The following TMTC2 variants were observed in gnomAD, a reference collection of about 807,000 sequenced individuals.
The protein encoded by TMTC2 is transmembrane O-mannosyltransferase targeting cadherins 2.
Under a neutral mutation model 82.4 loss-of-function variants are expected in TMTC2, and 43 were observed. That is an observed-to-expected ratio of 0.52 (90% CI 0.41 to 0.67). TMTC2 has a LOEUF of 0.67. TMTC2 is among the 30% of genes least tolerant of loss of function. TMTC2 has a pLI of 0.00. For synonymous variants in TMTC2, 408 were observed against 381.9 expected, an observed-to-expected ratio of 1.07 and a Z score of -0.80; for missense variants, 919 against 1,012.4, an observed-to-expected ratio of 0.91 and a Z score of 1.25.
chr12:82,825,964 A>C (rs1041202249), intron 1 of TMTC2, among the ~76,000 whole-genome samples: 11 of 152,298 alleles, frequency 7.2e-5, no homozygotes, highest in Middle Eastern at 3.4e-3. Context: ...TTGCGAATGG[A>C]AAGTTTTACC....
At chr12:83,061,867 G>A (rs984496511) in intron 11 of TMTC2, 36 bp downstream of exon 11, 23 of 1,498,806 alleles carry the variant, frequency 1.5e-5, no homozygotes, top group Non-Finnish European at 1.9e-5. Flanking sequence ...TTTTCAGAGG[G>A]ATAGACTCCA....
At chr12:82,987,815 A>G (rs957858207) in intron 8 of TMTC2, among the ~76,000 whole-genome samples, 9 of 152,220 alleles carry the variant, frequency 5.9e-5, no homozygotes, top group Middle Eastern at 3.4e-3. Context: ...AAGTTTGTCC[A>G]CAAGTATAAG....
intron 11 of TMTC2, among the ~76,000 whole-genome samples, chr12:83,114,271 T>C (rs1405101604): frequency 6.7e-6 from 1 of 149,074 alleles, no homozygotes; most frequent in Non-Finnish European, 1.5e-5. Context: ...AAAAAAAAAA[T>C]AGTAAGAGGA....
intron 11 of TMTC2, among the ~76,000 whole-genome samples, chr12:83,066,627 A>C (rs1882926325): frequency 6.6e-6 from 1 of 152,010 alleles, no homozygotes; most frequent in South Asian, 2.1e-4. Context: ...ATAAAAGGTC[A>C]TGGTAATAGT....
intron 7 of TMTC2, among the ~76,000 whole-genome samples, chr12:82,977,153 G>A (rs144187432): frequency 1.8e-3 from 275 of 152,028 alleles, no homozygotes; most frequent in African/African-American, 5.9e-3. Flanking sequence ...TACTATTCTC[G>A]AATGGGGAAA....
chr12:82,697,491 G>A (rs1045673026), intron 1 of TMTC2, among the ~76,000 whole-genome samples: 6 of 152,096 alleles, frequency 3.9e-5, no homozygotes, highest in African/African-American at 1.2e-4. Context: ...TAAATTCCTG[G>A]ATTAAAAATG....
At chr12:83,070,836 G>A (rs975322689) in intron 11 of TMTC2, among the ~76,000 whole-genome samples, 6 of 152,128 alleles carry the variant, frequency 3.9e-5, no homozygotes, top group African/African-American at 1.4e-4. Context: ...GTTTGTCATA[G>A]ATGGCTTTTA....
At chr12:82,975,288 A>G (rs759571084) in intron 7 of TMTC2, among the ~76,000 whole-genome samples, 57 of 152,162 alleles carry the variant, frequency 3.7e-4, no homozygotes, top group Non-Finnish European at 7.9e-4. Context: ...CCCAGTAAGT[A>G]AGGGAAAATT....
At chr12:82,970,661 A>T (rs1358690352) in intron 7 of TMTC2, among the ~76,000 whole-genome samples, 1 of 152,208 alleles carries the variant, frequency 6.6e-6, no homozygotes, top group Non-Finnish European at 1.5e-5. Context: ...CCAAAAGTTG[A>T]TTGTATTCTC....
intron 6 of TMTC2, 39 bp downstream of exon 6, chr12:82,965,783 G>A (rs1230286934): frequency 6.2e-7 from 1 of 1,610,234 alleles, no homozygotes; most frequent in Admixed American, 1.7e-5. Flanking sequence ...CCTCCCCCTT[G>A]TTCTGATCCA....
In TMTC2 at chr12:82,889,689, A is replaced by G. The variant is rs981359374; in HGVS notation, c.655-6129A>G. On this transcript the variant is annotated intron_variant, in intron 2 of 11. Coordinates refer to ENST00000321196, the MANE Select transcript of TMTC2 (RefSeq NM_152588.3). Reference sequence around the variant, plus strand: ...AACTTTATGATTCTGTAGCATGCATATTTTGCAACATGATTTTTCACCAGT... The same window carrying G: ...AACTTTATGATTCTGTAGCATGCATGTTTTGCAACATGATTTTTCACCAGT... Among the ~76,000 whole-genome samples, 3 of 152,142 alleles carry G rather than the reference A, an allele frequency of 2.0e-5. No individual in the cohort carries two copies. In the South Asian group the frequency reaches 6.2e-4, roughly 31 times the overall value.
chr12:82,751,169 A>C (rs1875977819), intron 1 of TMTC2, among the ~76,000 whole-genome samples: 1 of 152,220 alleles, frequency 6.6e-6, no homozygotes, highest in Non-Finnish European at 1.5e-5. Flanking sequence ...TGGATTAAGA[A>C]AATGTGGCAC....
At chr12:83,073,324 T>C (rs1337225732) in intron 11 of TMTC2, among the ~76,000 whole-genome samples, 1 of 152,220 alleles carries the variant, frequency 6.6e-6, no homozygotes, top group Non-Finnish European at 1.5e-5. Flanking sequence ...TTCTAGCTTA[T>C]AGGGTTTCTG....
At position 83,118,509 on chromosome 12, in the gene TMTC2, G is replaced by A. The variant is rs192616950; in HGVS notation, c.2332-13701G>A. On this transcript the variant is annotated intron_variant, in intron 11 of 11. Coordinates refer to ENST00000321196, the MANE Select transcript of TMTC2 (RefSeq NM_152588.3). ...CATATGTTAAACCATCCCTGCATCC[G>A]TGAAATGAAACCGACTTGATCATAG... 1.4e-3 allele frequency among the ~76,000 whole-genome samples: 213 copies of A among 152,040 alleles called. 2 individuals are homozygous for A. The highest frequency in any genetic ancestry group is 9.7e-4 in the Non-Finnish European group (66 of 67,900).
chr12:82,877,451 G>A (rs959865323), intron 2 of TMTC2, among the ~76,000 whole-genome samples: 1 of 152,160 alleles, frequency 6.6e-6, no homozygotes, highest in African/African-American at 2.4e-5. Flanking sequence ...CAGAAGTGAA[G>A]TAGATATTTT....
intron 2 of TMTC2, among the ~76,000 whole-genome samples, chr12:82,884,417 C>G (rs1872987553): frequency 6.6e-6 from 1 of 152,094 alleles, no homozygotes; most frequent in Non-Finnish European, 1.5e-5. Context: ...GTTGAGTTAT[C>G]CTGAATTTTA....
At chr12:83,046,052 C>G (rs189231308) in intron 9 of TMTC2, among the ~76,000 whole-genome samples, 1 of 152,252 alleles carries the variant, frequency 6.6e-6, no homozygotes, top group African/African-American at 2.4e-5. Flanking sequence ...CCTTTTATTA[C>G]TGTTCTAAAG....
chr12:82,935,320 A>T (rs1475506707), intron 4 of TMTC2, among the ~76,000 whole-genome samples: 1 of 152,204 alleles, frequency 6.6e-6, no homozygotes, highest in Non-Finnish European at 1.5e-5. Flanking sequence ...AACAATAGAT[A>T]TCATGCATTT....
intron 9 of TMTC2, among the ~76,000 whole-genome samples, chr12:83,033,366 G>C (rs1426872073): frequency 6.6e-6 from 1 of 152,190 alleles, no homozygotes; most frequent in Non-Finnish European, 1.5e-5. Context: ...GAACAAATAA[G>C]ATTGAAGCCT....
Sources: gnomAD v4.1 joint callset for allele counts (sites outside exome capture counted in the v4.1 genomes callset) on GRCh38, gnomAD v4.1.1 for gene constraint, MANE v1.5 for transcripts, NCBI Gene and HGNC (gene_info 2026-07-23, HGNC 2026-07-21) for gene names.